DPF3: variants seen among roughly 807,000 people sequenced by gnomAD.
The protein encoded by DPF3 is zinc finger protein DPF3.
In DPF3, 18 loss-of-function variants were observed where a neutral mutation model predicts 56.8. The observed-to-expected ratio is 0.32, with a 90% CI of 0.22 to 0.47. DPF3 has a LOEUF of 0.47. Ranked by LOEUF, DPF3 falls within the 20% of genes least tolerant of loss-of-function variation. The pLI is 1.00. For synonymous variants in DPF3, 188 were observed against 180.2 expected (o/e 1.04, Z -0.35); for missense variants, 403 against 488.8 (o/e 0.82, Z 1.65).
chr14:72,802,150 C>T (rs1056804425), intron 1 of DPF3, among the ~76,000 whole-genome samples: 1 of 151,490 alleles, frequency 6.6e-6, no homozygotes, highest in Non-Finnish European at 1.5e-5. Context: ...AGGGCCATCA[C>T]AGCTCCCCCT....
chr14:72,794,683 G>A (rs1290363915), intron 1 of DPF3, among the ~76,000 whole-genome samples: 2 of 152,184 alleles, frequency 1.3e-5, no homozygotes, highest in Admixed American at 1.3e-4. Flanking sequence ...GTAGAAGGGT[G>A]CTGTGTTGGT....
In DPF3 at chr14:72,617,830, G is replaced by A. The variant is rs1244209279; in HGVS notation, c.*1467C>T. Among the ~76,000 whole-genome samples, 4 of 152,164 alleles carry A rather than the reference G, an allele frequency of 2.6e-5. No individual in the cohort carries two copies. The highest frequency in any genetic ancestry group is 5.9e-5 in the Non-Finnish European group (4 of 68,022). On this transcript the variant is annotated 3_prime_UTR_variant, in exon 11 of 11. Transcript: ENST00000556509. ...TAAAAATAACCTGGGCCTTTGTTGT[G>A]AGCAGCCAGACCACAGAGATGGAGC...
chr14:72,699,613 G>A (rs1888073904), intron 6 of DPF3, among the ~76,000 whole-genome samples: 1 of 151,888 alleles, frequency 6.6e-6, no homozygotes, highest in African/African-American at 2.4e-5. Flanking sequence ...CAAGACGACA[G>A]TAACAATGAC....
chr14:72,766,987 C>A (rs528195998), intron 2 of DPF3, among the ~76,000 whole-genome samples: 189 of 152,228 alleles, frequency 1.2e-3, no homozygotes, highest in Middle Eastern at 3.4e-3. Flanking sequence ...CAGTAGAGGC[C>A]CTCCTCCTCC....
chr14:72,637,179 CCTAG>C (rs1885408627), intron 8 of DPF3, among the ~76,000 whole-genome samples: 1 of 152,178 alleles, frequency 6.6e-6, no homozygotes, highest in Admixed American at 6.5e-5. Context: ...CTCAAATGGT[CCTAG>C]AAATTCCCCA....
chr14:72,661,588 C>T (rs545949219), intron 8 of DPF3: 13 of 985,520 alleles, frequency 1.3e-5, no homozygotes, highest in East Asian at 2.3e-4. Flanking sequence ...GACACAGCGC[C>T]GAGATACATC....
At chr14:72,827,336 A>G (rs1315939224) in intron 1 of DPF3, among the ~76,000 whole-genome samples, 2 of 152,044 alleles carry the variant, frequency 1.3e-5, no homozygotes, top group Admixed American at 6.6e-5. Flanking sequence ...AGAGGCCTCC[A>G]GGCAGGTCCA....
chr14:72,684,264 C>T (rs946167322), intron 7 of DPF3, among the ~76,000 whole-genome samples: 3 of 152,116 alleles, frequency 2.0e-5, no homozygotes, highest in Non-Finnish European at 2.9e-5. Context: ...CCAGGCTGGA[C>T]TCGAACTCCT....
At chr14:72,698,174 G>A (rs183207336) in intron 6 of DPF3, among the ~76,000 whole-genome samples, 22 of 152,248 alleles carry the variant, frequency 1.4e-4, no homozygotes, top group Non-Finnish European at 2.2e-4. Context: ...CAGACAGTCC[G>A]CAATTTACAA....
chr14:72,654,413 A>G (rs2060907131), intron 8 of DPF3, among the ~76,000 whole-genome samples: 1 of 151,994 alleles, frequency 6.6e-6, no homozygotes, highest in Non-Finnish European at 1.5e-5. Context: ...ACTGGCACTC[A>G]CATTTTGCAC....
rs1410032719 is a variant in DPF3, at chr14:72,612,953, G to A, written c.*6344C>T. ...AGCCCCTGGCTCTCCCTCTTGTCCT[G>A]GAGCAACATCAAAGTTTCCCTTTGG... On this transcript the variant is annotated 3_prime_UTR_variant, in exon 11 of 11. Transcript: ENST00000556509. 1.3e-5 allele frequency among the ~76,000 whole-genome samples: 2 copies of A among 151,308 alleles called. No individual in the cohort carries two copies. The highest frequency in any genetic ancestry group is 2.9e-5 in the Non-Finnish European group (2 of 67,910).
chr14:72,772,521 G>C (rs1389557554), intron 1 of DPF3, among the ~76,000 whole-genome samples: 3 of 152,122 alleles, frequency 2.0e-5, no homozygotes, highest in African/African-American at 7.2e-5. Context: ...CTTTCCGATA[G>C]AAAACAAACA....
chr14:72,795,318 A>ATATATATATATAT (rs1555507696), intron 1 of DPF3, among the ~76,000 whole-genome samples: 1 of 146,598 alleles, frequency 6.8e-6, no homozygotes, highest in Non-Finnish European at 1.5e-5. Flanking sequence ...ATATATATAT[A>ATATATATATATAT]AGGCAGATGG....
At chr14:72,677,347 G>A (rs989460227) in intron 7 of DPF3, among the ~76,000 whole-genome samples, 4 of 152,180 alleles carry the variant, frequency 2.6e-5, no homozygotes, top group Non-Finnish European at 5.9e-5. Context: ...TGGACTAATT[G>A]CTTATGCACC....
intron 1 of DPF3, among the ~76,000 whole-genome samples, chr14:72,881,345 T>A (rs1886316836): frequency 6.6e-6 from 1 of 151,088 alleles, no homozygotes; most frequent in South Asian, 2.1e-4. Flanking sequence ...GCTGTTGTTG[T>A]TGTTTTTAAC....
Position 72,881,294 on chromosome 14 carries a change from C to CTGTTGT in DPF3, c.32+12757_32+12762dup, listed in dbSNP as rs10545910. ...AGATCTCATTCTCTAAAATTCAGAG[C>CTGTTGT]TGTTGTTGTTGTTGTTGTTGTTGTT... On this transcript the variant is annotated intron_variant, in intron 1 of 10. Coordinates refer to ENST00000556509, the MANE Select transcript of DPF3 (RefSeq NM_001280542.3). Among the ~76,000 whole-genome samples, 1,177 of 151,142 alleles carry CTGTTGT rather than the reference C, an allele frequency of 7.8e-3. 1 individual carries two copies. The highest frequency in any genetic ancestry group is 0.021 in the Middle Eastern group (6 of 292).
At chr14:72,776,222 G>A (rs188735414) in intron 1 of DPF3, among the ~76,000 whole-genome samples, 53 of 152,244 alleles carry the variant, frequency 3.5e-4, no homozygotes, top group African/African-American at 1.2e-3. Flanking sequence ...AGAGGAAGCT[G>A]GCACAAGGCA....
intron 1 of DPF3, among the ~76,000 whole-genome samples, chr14:72,864,671 C>CGGAT (rs59858422): frequency 0.11 from 16,664 of 151,124 alleles, 1,009 homozygotes; most frequent in South Asian, 0.27. Flanking sequence ...CAGTAATTAG[C>CGGAT]GGATGGATGG....
intron 1 of DPF3, among the ~76,000 whole-genome samples, chr14:72,848,109 G>A (rs765093626): frequency 2.0e-5 from 3 of 152,130 alleles, no homozygotes; most frequent in Admixed American, 6.5e-5. Context: ...CTCGCCAAAC[G>A]ACTTATTTGA....
Sources: allele counts gnomAD v4.1 joint callset (sites outside exome capture counted in the v4.1 genomes callset), GRCh38; gene constraint gnomAD v4.1.1; transcripts MANE v1.5; gene names NCBI Gene and HGNC (gene_info 2026-07-23, HGNC 2026-07-21).